PPP2R2D: variants seen among roughly 807,000 people sequenced by gnomAD.
PPP2R2D encodes protein phosphatase 2 regulatory subunit Bdelta.
In PPP2R2D, 9 loss-of-function variants were observed where a neutral mutation model predicts 31.1. That is an observed-to-expected ratio of 0.29 (90% confidence interval 0.17 to 0.51). The LOEUF is 0.51. Among genes scored for constraint, PPP2R2D ranks in the 20% least tolerant of loss-of-function variants. The probability of loss-of-function intolerance (pLI) is 0.98; values close to 1 mark genes in which losing one functional copy is unlikely to be tolerated. For synonymous variants in PPP2R2D, 179 were observed against 172.6 expected, an observed-to-expected ratio of 1.04 and a Z score of -0.29; for missense variants, 391 against 465.6, an observed-to-expected ratio of 0.84 and a Z score of 1.48.
rs782589525 is a variant in PPP2R2D at position 131,955,794 on chromosome 10, T to A, written c.1193T>A (p.Leu398His). 13 of 1,599,882 alleles carry A rather than the reference T, an allele frequency of 8.1e-6. No homozygotes were observed. The highest frequency in any genetic ancestry group is 1.1e-5 in the Non-Finnish European group (13 of 1,171,536). ...GAGAGCAGCAAACCGCGCGCCAGCC[T>A]CAAACCCCGGAAGGTGTGTACGGGG... ...SRESSKPRAS[L>H]KPRKVCTGGK... Residue 398 changes from leucine to histidine, a missense_variant, in exon 9 of 9, where the codon CTC (leucine) becomes CAC (histidine). Leu to His is a moderately conservative substitution (Grantham distance 99). Coordinates refer to ENST00000455566, the MANE Select transcript of PPP2R2D (RefSeq NM_018461.5).
intron 2 of PPP2R2D, among the ~76,000 whole-genome samples, chr10:131,923,347 T>G (rs2036030634): frequency 6.6e-6 from 1 of 152,248 alleles, no homozygotes; most frequent in Non-Finnish European, 1.5e-5. Flanking sequence ...TTTTCCATTT[T>G]TGTTTATCCG....
intron 5 of PPP2R2D, among the ~76,000 whole-genome samples, chr10:131,943,709 C>T (rs1347053842): frequency 1.3e-5 from 2 of 152,184 alleles, no homozygotes; most frequent in African/African-American, 4.8e-5. Context: ...CAGTTTGTTA[C>T]CCTGCCAGCT....
chr10:131,966,156 C>G, the PPP2R2D span, among the ~76,000 whole-genome samples: 2 of 152,194 alleles, frequency 1.3e-5, no homozygotes, highest in Admixed American at 1.3e-4. Context: ...CTCTCTCTTG[C>G]AGCCATGTGC....
At chr10:131,964,092 G>A (rs569248241), downstream of PPP2R2D, among the ~76,000 whole-genome samples, 4 of 152,308 alleles carry the variant, frequency 2.6e-5, no homozygotes, top group East Asian at 3.9e-4. Flanking sequence ...ATATTTTCTC[G>A]TGATTAAACT....
chr10:131,928,412 A>G (rs1212097524), intron 2 of PPP2R2D, among the ~76,000 whole-genome samples: 1 of 152,208 alleles, frequency 6.6e-6, no homozygotes, highest in Non-Finnish European at 1.5e-5. Context: ...CTTTCACATC[A>G]TGTCTGTCAG....
In PPP2R2D at chr10:131,947,682, C is replaced by T; in HGVS notation, c.973C>T (p.Pro325Ser). Residue 325 changes from proline to serine, a missense_variant, in exon 8 of 9, where the codon CCG becomes TCG. By Grantham distance (74) the Pro-to-Ser change is moderately conservative. This residue lies in a region of PPP2R2D where 163 missense variants were observed against 179.5 expected (regional missense o/e 0.91). Transcript: ENST00000455566. This position sits in a 1 kb window ranked among gnomAD's most constrained non-coding sequence, Gnocchi z 4.3. ...GTGGGACCTCAACATGGAGAGCAGG[C>T]CGGTGGAGACCCACCAGGTCCACGA... ...KVWDLNMESR[P>S]VETHQVHEYL... 6.2e-7 allele frequency: 1 copy of T among 1,614,174 alleles called. No homozygotes were observed. The highest frequency in any genetic ancestry group is 8.5e-7 in the Non-Finnish European group (1 of 1,180,040).
At chr10:131,953,941 A>C (rs11146324) in intron 8 of PPP2R2D, among the ~76,000 whole-genome samples, 43,035 of 152,126 alleles carry the variant, frequency 0.28, 6,187 homozygotes, top group East Asian at 0.44. Flanking sequence ...TTCACTCTCA[A>C]AAACACGCCA....
intron 2 of PPP2R2D, among the ~76,000 whole-genome samples, chr10:131,933,632 C>T (rs190385040): frequency 2.1e-3 from 324 of 152,324 alleles, no homozygotes; most frequent in African/African-American, 7.6e-3. Flanking sequence ...AGCCAGCCTC[C>T]TCCAGAGTCT....
At chr10:131,971,377 A>G in the PPP2R2D span, 152,348 of 228,500 alleles carry the variant, frequency 0.67, 51,567 homozygotes, top group African/African-American at 0.79. Flanking sequence ...AAACAGGGAC[A>G]TGACGAAGGA....
At chr10:131,944,971 G>A (rs141067132) in intron 6 of PPP2R2D, among the ~76,000 whole-genome samples, 49 of 152,194 alleles carry the variant, frequency 3.2e-4, no homozygotes, top group Non-Finnish European at 6.5e-4. Flanking sequence ...TACTAGCTTG[G>A]TTTTCCTATT....
chr10:131,929,298 G>T (rs891702649), intron 2 of PPP2R2D, among the ~76,000 whole-genome samples: 1 of 152,232 alleles, frequency 6.6e-6, no homozygotes, highest in Admixed American at 6.5e-5. Flanking sequence ...AAATGCCATC[G>T]TGGGAACTGT....
intron 2 of PPP2R2D, among the ~76,000 whole-genome samples, chr10:131,904,709 C>G (rs999525307): frequency 6.6e-6 from 1 of 152,094 alleles, no homozygotes; most frequent in African/African-American, 2.4e-5. Context: ...GTCTTTCTGC[C>G]CTCTCTGCAA....
At chr10:131,919,880 C>A (rs2035934780) in intron 2 of PPP2R2D, among the ~76,000 whole-genome samples, 1 of 136,514 alleles carries the variant, frequency 7.3e-6, no homozygotes, top group Non-Finnish European at 1.5e-5. Context: ...GGACCTCATT[C>A]AGGTGGGATG....
At chr10:131,927,099 G>A (rs895341806) in intron 2 of PPP2R2D, among the ~76,000 whole-genome samples, 11 of 152,218 alleles carry the variant, frequency 7.2e-5, no homozygotes, top group Admixed American at 6.5e-4. Flanking sequence ...TTGACGGGGA[G>A]ATTATGGCTG....
At chr10:131,924,344 T>C (rs1160107993) in intron 2 of PPP2R2D, among the ~76,000 whole-genome samples, 1 of 152,190 alleles carries the variant, frequency 6.6e-6, no homozygotes, top group African/African-American at 2.4e-5. Context: ...ATTACATTTA[T>C]ATATAATTTT....
At chr10:131,961,228 C>T (rs1206412589), downstream of PPP2R2D, among the ~76,000 whole-genome samples, 1 of 152,216 alleles carries the variant, frequency 6.6e-6, no homozygotes, top group Non-Finnish European at 1.5e-5. Flanking sequence ...CCCTTGGGTC[C>T]CGTCCTCCGA....
chr10:131,933,828 G>A (rs2036288179), intron 2 of PPP2R2D, among the ~76,000 whole-genome samples: 1 of 152,030 alleles, frequency 6.6e-6, no homozygotes, highest in African/African-American at 2.4e-5. Context: ...CGGGGTCTTG[G>A]CCTCTGTTGA....
At chr10:131,911,738 A>G (rs1271402538) in intron 2 of PPP2R2D, 1 of 151,966 alleles carries the variant, frequency 6.6e-6, no homozygotes, top group Non-Finnish European at 1.5e-5. Context: ...GAGGTTCTTG[A>G]CCGTTGCACC....
At position 131,913,175 on chromosome 10, in the gene PPP2R2D, G is replaced by A. The variant is rs1000184491; in HGVS notation, c.100+11845G>A. 3.4e-5 allele frequency among the ~76,000 whole-genome samples: 5 copies of A among 146,408 alleles called. No individual in the cohort carries two copies. In the South Asian group the frequency reaches 1.1e-3, roughly 32 times the overall value. ...GGTGTGATTACAGGGATGCCACCAT[G>A]CCCGGCTAATTTTTTTTTTTTTTTT... On this transcript the variant is annotated intron_variant, in intron 2 of 8. Transcript: ENST00000455566.
Sources: gnomAD v4.1 joint callset for allele counts (sites outside exome capture counted in the v4.1 genomes callset) on GRCh38, gnomAD v4.1.1 for gene constraint, gnomAD v4.1.1 regional missense constraint, Gnocchi (gnomAD v3.1) non-coding constraint, MANE v1.5 for transcripts, NCBI Gene and HGNC (gene_info 2026-07-23, HGNC 2026-07-21) for gene names.